The following ART3 variants were observed in gnomAD, a reference collection of about 807,000 sequenced individuals.
The protein encoded by ART3 is ecto-ADP-ribosyltransferase 3.
A neutral mutation model predicts 48.5 loss-of-function variants in ART3; 49 were observed. That is an observed-to-expected ratio of 1.01 (90% CI 0.80 to 1.28). The LOEUF (loss-of-function observed/expected upper bound fraction) is 1.28. ART3 is among the 50% of genes most tolerant of loss of function. ART3 has a pLI of 0.00. For missense variants in ART3, 438 were observed against 454.3 expected, an observed-to-expected ratio of 0.96 and a Z score of 0.33; for synonymous variants, 145 against 157.2, an observed-to-expected ratio of 0.92 and a Z score of 0.58.
chr4:76,105,551 C>T (rs1293209553), intron 10 of ART3: 1 of 1,288,662 alleles, frequency 7.8e-7, no homozygotes, highest in Non-Finnish European at 1.0e-6. Context: ...GAATGAAAAA[C>T]CTGGTAATAT....
chr4:76,059,781 G>A (rs1719029329), intron 1 of ART3, among the ~76,000 whole-genome samples: 2 of 152,314 alleles, frequency 1.3e-5, no homozygotes, highest in African/African-American at 4.8e-5. Context: ...AAGAGAAAAA[G>A]CAGGCAAACT....
chr4:76,109,347 A>G (rs1369124630), intron 11 of ART3, among the ~76,000 whole-genome samples: 5 of 151,896 alleles, frequency 3.3e-5, no homozygotes, highest in Admixed American at 3.3e-4. Context: ...ACTGTCTTGC[A>G]CCTCCACATC....
chr4:76,106,317 A>G, intron 10 of ART3: 1 of 985,464 alleles, frequency 1.0e-6, no homozygotes, highest in Non-Finnish European at 1.2e-6. Context: ...TGCTAGGCAC[A>G]CACTTGGTAG....
intron 1 of ART3, among the ~76,000 whole-genome samples, chr4:76,068,835 T>C (rs1463634619): frequency 1.3e-5 from 2 of 152,162 alleles, no homozygotes; most frequent in Non-Finnish European, 2.9e-5. Context: ...TATTCACTTG[T>C]ATGGGTTTTG....
At chr4:76,021,185 G>A (rs1365330678) in intron 1 of ART3, 3 of 152,116 alleles carry the variant, frequency 2.0e-5, no homozygotes, top group South Asian at 2.1e-4. Context: ...AATATTTCCA[G>A]GAGAGTACCT....
chr4:76,077,679 ATTG>A (rs777759297), intron 2 of ART3, among the ~76,000 whole-genome samples: 4 of 152,200 alleles, frequency 2.6e-5, no homozygotes, highest in African/African-American at 7.2e-5. Flanking sequence ...AAAATTACCT[ATTG>A]TTGTGAACAT....
Position 76,065,672 on chromosome 4 carries a change from T to C in ART3, c.-9-10209T>C, listed in dbSNP as rs143764335. On this transcript the variant is annotated intron_variant, in intron 1 of 9. Coordinates refer to the ART3 transcript ENST00000341029. ...GGAAAGAAAGTTGAGAATTAAAGCC[T>C]AGAGGCCTAAAATCTACCAATAGGA... Among the ~76,000 whole-genome samples the C allele has an allele frequency of 4.7e-3, 718 of 151,974 alleles. 4 individuals are homozygous for C. Among genetic ancestry groups the C allele is most frequent in the Middle Eastern group, 0.014 (4 of 290 alleles).
intron 3 of ART3, among the ~76,000 whole-genome samples, chr4:76,083,719 C>G (rs1722965270): frequency 6.6e-6 from 1 of 152,190 alleles, no homozygotes; most frequent in African/African-American, 2.4e-5. Flanking sequence ...AAAGTTTTCC[C>G]AGAAACCCTT....
chr4:76,079,509 A>G (rs1433981311), intron 2 of ART3, among the ~76,000 whole-genome samples: 3 of 152,186 alleles, frequency 2.0e-5, no homozygotes, highest in African/African-American at 7.2e-5. Context: ...TAGATCAGAT[A>G]TATTTAGATC....
intron 2 of ART3, 140 bp from the exon 3 acceptor site, chr4:76,081,684 C>CA (rs1485688549): frequency 2.7e-6 from 2 of 749,932 alleles, no homozygotes; most frequent in Non-Finnish European, 4.4e-6. Flanking sequence ...ATACTTCCTG[C>CA]ATAAAAACCT....
At position 76,082,343 on chromosome 4, in the gene ART3, C is replaced by G. The variant is rs2149558838; in HGVS notation, c.589C>G (p.Gln197Glu). ...AGCCAAACCTCAGGCTGCTAATGAC[C>G]AGCTCACTGTGTTATCCATCTACAC... ...YSAKPQAANDQLTVLSIYTCL... is the reference protein window; with the variant it reads ...YSAKPQAANDELTVLSIYTCL... Residue 197 changes from glutamine (Q) to glutamate (E), a missense_variant, in exon 3 of 12, where the codon CAG becomes GAG. Around this residue, in one of 3 missense-constraint regions of ART3, gnomAD observed 227 missense variants for 229.6 expected, o/e 0.99. Coordinates refer to ENST00000355810, the MANE Select transcript of ART3 (RefSeq NM_001130016.3). 6.2e-7 allele frequency: 1 copy of G among 1,613,766 alleles called. No homozygotes were observed. The highest frequency in any genetic ancestry group is 1.1e-5 in the South Asian group (1 of 91,040).
At chr4:76,106,708 G>A (rs780137695) in intron 10 of ART3, among the ~76,000 whole-genome samples, 76 of 152,278 alleles carry the variant, frequency 5.0e-4, no homozygotes, top group Middle Eastern at 3.4e-3. Context: ...GTATGAGGGC[G>A]AAGTTTGGGA....
rs1427334637 is a variant in ART3, at chr4:76,050,573, CAG to C, written c.-9-25307_-9-25306del. 5.9e-5 allele frequency among the ~76,000 whole-genome samples: 9 copies of C among 152,242 alleles called. No individual in the cohort carries two copies. The East Asian group carries it at 1.7e-3, about 29-fold the overall frequency. On this transcript the variant is annotated intron_variant, in intron 1 of 9. Transcript: ENST00000341029. ...AAGTTCTCCATGTTCCCACCAGACT[CAG>C]GAGCCCAGCTGGCTTCACGCAGTGG...
intron 9 of ART3, chr4:76,104,247 A>C (rs1320891224): frequency 1.4e-6 from 1 of 719,028 alleles, no homozygotes; most frequent in African/African-American, 1.9e-5. Context: ...CATCAGTCCA[A>C]CACCTTCCAG....
Position 76,082,437 on chromosome 4 carries a change from A to G in ART3, c.683A>G (p.Asn228Ser). The change falls in exon 3 of 12, where the codon AAT (asparagine) becomes AGT (serine). Residue 228 changes from asparagine (N) to serine (S), a missense_variant. Physicochemically the swap from Asn to Ser is conservative, Grantham distance 46. Around this residue, in one of 3 missense-constraint regions of ART3, gnomAD observed 227 missense variants for 229.6 expected, o/e 0.99. Transcript: ENST00000355810. ...GAAAGAATTACTTTAATACCTCTGAATGAGGTTTTTCAAGTGTCACAGGAG... is the reference window on the plus strand; with the variant it reads ...GAAAGAATTACTTTAATACCTCTGAGTGAGGTTTTTCAAGTGTCACAGGAG... ...ESERITLIPL[N>S]EVFQVSQEGA... 6.2e-7 allele frequency: 1 copy of G among 1,613,778 alleles called. No homozygotes were observed. The highest frequency in any genetic ancestry group is 1.3e-5 in the African/African-American group (1 of 75,032).
At chr4:76,108,568 A>AC (rs1553939038) in intron 11 of ART3, among the ~76,000 whole-genome samples, 18,921 of 151,430 alleles carry the variant, frequency 0.12, 1,580 homozygotes, top group African/African-American at 0.23. Flanking sequence ...AAAAAAAAAA[A>AC]CAAAAAACTC....
chr4:76,084,342 A>T (rs1364762578), intron 3 of ART3, among the ~76,000 whole-genome samples: 1 of 152,114 alleles, frequency 6.6e-6, no homozygotes, highest in Non-Finnish European at 1.5e-5. Flanking sequence ...TGGTCCACTA[A>T]AGAAAATTTT....
At chr4:76,108,025 A>G (rs1286031355) in intron 11 of ART3, among the ~76,000 whole-genome samples, 3 of 151,948 alleles carry the variant, frequency 2.0e-5, no homozygotes, top group African/African-American at 7.2e-5. Flanking sequence ...TTCTACTCTT[A>G]GAACAGTGGT....
At chr4:76,069,341 C>T (rs1045995496) in intron 1 of ART3, among the ~76,000 whole-genome samples, 1 of 150,052 alleles carries the variant, frequency 6.7e-6, no homozygotes. Flanking sequence ...CTGTATAGAT[C>T]TGTCTACTCT....
Sources: allele counts gnomAD v4.1 joint callset (sites outside exome capture counted in the v4.1 genomes callset), GRCh38; gene constraint gnomAD v4.1.1; regional missense constraint gnomAD v4.1.1; transcripts MANE v1.5; gene names NCBI Gene and HGNC (gene_info 2026-07-23, HGNC 2026-07-21).